The following PNLIP variants were observed in gnomAD, a reference collection of about 807,000 sequenced individuals.
PNLIP encodes the protein pancreatic triacylglycerol lipase.
PNLIP carries 49 observed loss-of-function variants against 57.1 expected under a neutral mutation model. The ratio of observed to expected loss-of-function variants is 0.86; its 90% CI spans 0.68 to 1.09. PNLIP has a LOEUF of 1.09. Among genes scored for constraint, PNLIP ranks in the 50% least tolerant of loss-of-function variants. The probability of loss-of-function intolerance (pLI) is 0.00; values close to 1 mark genes in which losing one functional copy is unlikely to be tolerated. For missense variants in PNLIP, 503 were observed against 570.2 expected (o/e 0.88, Z 1.20); for synonymous variants, 209 against 200.4 (o/e 1.04, Z -0.36).
At chr10:116,549,114 C>T (rs1310219585) in intron 4 of PNLIP, among the ~76,000 whole-genome samples, 1 of 152,150 alleles carries the variant, frequency 6.6e-6, no homozygotes, top group Non-Finnish European at 1.5e-5. Context: ...AGTATTTATT[C>T]ATGTATTCAT....
At chr10:116,547,166 G>T in intron 2 of PNLIP, 128 bp from the exon 3 acceptor site, 1 of 812,292 alleles carries the variant, frequency 1.2e-6, no homozygotes, top group Non-Finnish European at 2.1e-6. Flanking sequence ...TGAGTGTGTG[G>T]CTAGGAGGGT....
chr10:116,566,966 C>T (rs951591044), intron 12 of PNLIP, among the ~76,000 whole-genome samples: 5 of 151,968 alleles, frequency 3.3e-5, no homozygotes, highest in African/African-American at 1.2e-4. Flanking sequence ...CCTGTTCTTT[C>T]TTTCTTTCCT....
At chr10:116,559,311 T>C in intron 10 of PNLIP, 28 bp downstream of exon 10, 11 of 1,505,402 alleles carry the variant, frequency 7.3e-6, no homozygotes, top group Non-Finnish European at 8.3e-6. Context: ...GTATCTTATA[T>C]TCTTATTGCT....
intron 12 of PNLIP, among the ~76,000 whole-genome samples, chr10:116,561,962 AC>A (rs1847319662): frequency 6.6e-6 from 1 of 152,180 alleles, no homozygotes; most frequent in South Asian, 2.1e-4. Flanking sequence ...CATCTTCCAA[AC>A]TTCCCAGGCT....
chr10:116,567,714 T>G (rs1847385047), intron 12 of PNLIP, 21 bp from the exon 13 acceptor site: 1 of 1,607,510 alleles, frequency 6.2e-7, no homozygotes. Context: ...GAGGTGACTT[T>G]GTGTTGTTTT....
chr10:116,558,796 T>C (rs1847283571), intron 9 of PNLIP, among the ~76,000 whole-genome samples: 1 of 152,028 alleles, frequency 6.6e-6, no homozygotes, highest in Admixed American at 6.5e-5. Context: ...AACTAATTTT[T>C]GCATTTTTAG....
chr10:116,560,549 G>GTTT, intron 11 of PNLIP, 25 bp downstream of exon 11: 1 of 766,172 alleles, frequency 1.3e-6, no homozygotes, highest in Non-Finnish European at 2.0e-6. Flanking sequence ...ATTGCTCTAT[G>GTTT]CTTTTTTTTT....
intron 12 of PNLIP, among the ~76,000 whole-genome samples, chr10:116,562,806 A>G (rs949786488): frequency 3.9e-5 from 6 of 152,194 alleles, no homozygotes; most frequent in South Asian, 2.1e-4. Context: ...TATAATTCAA[A>G]GGACACAGGG....
chr10:116,548,533 ACAAACGGTAAGG>A (rs1423556468), intron 4 of PNLIP, 51 bp downstream of exon 4: 3 of 1,595,120 alleles, frequency 1.9e-6, no homozygotes, highest in Non-Finnish European at 1.7e-6. Context: ...GTGGTAATTA[ACAAACGGTAAGG>A]CACTGGCCCC....
intron 9 of PNLIP, 26 bp from the exon 10 acceptor site, chr10:116,559,128 A>G (rs763139372): frequency 6.3e-7 from 1 of 1,599,794 alleles, no homozygotes; most frequent in Non-Finnish European, 8.5e-7. Context: ...GGGCATCCTC[A>G]TTCATCATTT....
intron 9 of PNLIP, 128 bp from the exon 10 acceptor site, chr10:116,559,025 AT>A: frequency 9.0e-7 from 1 of 1,112,426 alleles, no homozygotes. Context: ...CTGAGACACT[AT>A]TAAAGTCCCC....
intron 5 of PNLIP, among the ~76,000 whole-genome samples, chr10:116,552,594 AT>A (rs1318992707): frequency 1.3e-5 from 2 of 152,362 alleles, no homozygotes; most frequent in African/African-American, 4.8e-5. Context: ...TTTAAAAAAA[AT>A]AAAAATTGTG....
At chr10:116,561,449 T>C (rs766011215) in intron 11 of PNLIP, 23 bp from the exon 12 acceptor site, 52 of 1,587,034 alleles carry the variant, frequency 3.3e-5, no homozygotes, top group Non-Finnish European at 4.2e-5. Flanking sequence ...ATGTATGTTT[T>C]TGTTAACTTC....
At chr10:116,551,370 C>T (rs545273180) in intron 5 of PNLIP, 138 bp downstream of exon 5, 1 of 571,620 alleles carries the variant, frequency 1.7e-6, no homozygotes, top group African/African-American at 2.0e-5. Context: ...CTCTTGGCTA[C>T]AAAGAAAAAT....
intron 7 of PNLIP, 24 bp from the exon 8 acceptor site, chr10:116,555,364 C>T: frequency 2.5e-6 from 4 of 1,613,998 alleles, no homozygotes; most frequent in Non-Finnish European, 3.4e-6. Flanking sequence ...TAGCATAAAC[C>T]CTCATGTATT....
chr10:116,560,277 A>ACG lies in PNLIP; in HGVS notation c.1061-138_1061-137insGC, dbSNP rs1847299814. On this transcript the variant is annotated intron_variant, in intron 10 of 12. Coordinates refer to ENST00000369221, the MANE Select transcript of PNLIP (RefSeq NM_000936.4). Reference sequence around the variant, plus strand: ...TCTATCACTATTTCATTAGAAAATTACACACACACACACACACACACACAC... The same window carrying ACG: ...TCTATCACTATTTCATTAGAAAATTACGCACACACACACACACACACACACAC... The ACG allele has an allele frequency of 7.5e-5, 5 of 66,446 alleles. No individual in the cohort carries two copies. The South Asian group carries it at 1.5e-3, about 20-fold the overall frequency. The allele number at this position is 66,446 out of a possible 1,614,324, so 4.1% of individuals were successfully genotyped here.
At chr10:116,557,864 C>T (rs975194310) in intron 9 of PNLIP, among the ~76,000 whole-genome samples, 5 of 152,120 alleles carry the variant, frequency 3.3e-5, no homozygotes, top group Admixed American at 3.3e-4. Context: ...ATCAGCCTCA[C>T]AGTAAGCCTT....
At chr10:116,549,826 TG>T (rs1330478230) in intron 4 of PNLIP, among the ~76,000 whole-genome samples, 1 of 152,198 alleles carries the variant, frequency 6.6e-6, no homozygotes, top group Non-Finnish European at 1.5e-5. Context: ...AATTGTGGTT[TG>T]TTTTTGTTTT....
intron 4 of PNLIP, among the ~76,000 whole-genome samples, chr10:116,550,122 G>A (rs1010267463): frequency 7.1e-6 from 1 of 141,146 alleles, no homozygotes. Context: ...GCAGTGGCGC[G>A]ATCTTGGCTC....
Sources: gnomAD v4.1 joint callset for allele counts (sites outside exome capture counted in the v4.1 genomes callset) on GRCh38, gnomAD v4.1.1 for gene constraint, MANE v1.5 for transcripts, NCBI Gene and HGNC (gene_info 2026-07-23, HGNC 2026-07-21) for gene names.